ADGRB3: variants seen among roughly 807,000 people sequenced by gnomAD.
The protein encoded by ADGRB3 is adhesion G protein-coupled receptor B3.
A neutral mutation model predicts 193.4 loss-of-function variants in ADGRB3; 37 were observed. That is an observed-to-expected ratio of 0.19 (90% confidence interval 0.15 to 0.25). The LOEUF is 0.25. Among genes scored for constraint, ADGRB3 ranks in the 10% least tolerant of loss-of-function variants. The pLI, the probability that ADGRB3 is intolerant of heterozygous loss-of-function variation, is 1.00. For synonymous variants in ADGRB3, 690 were observed against 644.2 expected (o/e 1.07, Z -1.08); for missense variants, 1,637 against 1,852.9 (o/e 0.88, Z 2.14).
At chr6:69,088,876 C>A (rs954917712) in intron 17 of ADGRB3, among the ~76,000 whole-genome samples, 3 of 152,122 alleles carry the variant, frequency 2.0e-5, no homozygotes, top group African/African-American at 7.2e-5. Flanking sequence ...GCAGTGCCTG[C>A]AAAGTATTTC....
At chr6:68,829,991 TG>T (rs1767923356) in intron 3 of ADGRB3, among the ~76,000 whole-genome samples, 1 of 152,108 alleles carries the variant, frequency 6.6e-6, no homozygotes, top group Middle Eastern at 3.2e-3. Context: ...AAATTATCAG[TG>T]AGTAGAAATA....
chr6:68,883,406 C>T (rs62416399), intron 3 of ADGRB3, among the ~76,000 whole-genome samples: 6 of 152,094 alleles, frequency 3.9e-5, no homozygotes, highest in African/African-American at 7.2e-5. Context: ...GCACCAGCTG[C>T]GGCAATCAGG....
intron 3 of ADGRB3, among the ~76,000 whole-genome samples, chr6:68,722,363 G>A (rs556713653): frequency 9.9e-5 from 15 of 151,800 alleles, no homozygotes; most frequent in Admixed American, 5.9e-4. Context: ...AGCATTAGGA[G>A]AAATACCTAA....
At chr6:69,004,650 GA>G (rs1324349853) in intron 11 of ADGRB3, among the ~76,000 whole-genome samples, 4 of 149,590 alleles carry the variant, frequency 2.7e-5, no homozygotes, top group African/African-American at 9.9e-5. Flanking sequence ...ACCTATGAGT[GA>G]GAACATGCGG....
chr6:68,857,443 G>A (rs1024853646), intron 3 of ADGRB3, among the ~76,000 whole-genome samples: 1 of 152,210 alleles, frequency 6.6e-6, no homozygotes, highest in Admixed American at 6.5e-5. Context: ...TGACCTGAAT[G>A]TAAGACATGG....
At chr6:69,226,464 C>T (rs753623582) in intron 17 of ADGRB3, among the ~76,000 whole-genome samples, 2 of 152,084 alleles carry the variant, frequency 1.3e-5, no homozygotes, top group Non-Finnish European at 2.9e-5. Flanking sequence ...ATATACCTGT[C>T]CTCATGATAT....
At chr6:68,667,559 A>T (rs539679437) in intron 3 of ADGRB3, among the ~76,000 whole-genome samples, 1 of 152,140 alleles carries the variant, frequency 6.6e-6, no homozygotes, top group Admixed American at 6.6e-5. Flanking sequence ...TATTTACATC[A>T]GTATAATAAA....
At chr6:68,911,457 C>G (rs115216829) in intron 3 of ADGRB3, among the ~76,000 whole-genome samples, 2,373 of 151,800 alleles carry the variant, frequency 0.016, 54 homozygotes, top group African/African-American at 0.054. Flanking sequence ...AGCCACAGGT[C>G]AAGACAGCAA....
chr6:69,301,637 A>T (rs191131091), intron 20 of ADGRB3, among the ~76,000 whole-genome samples: 1 of 151,956 alleles, frequency 6.6e-6, no homozygotes, highest in Non-Finnish European at 1.5e-5. Flanking sequence ...ATGACATTAC[A>T]AGAAAAATTG....
chr6:69,252,448 G>C (rs1248335824), intron 20 of ADGRB3, among the ~76,000 whole-genome samples: 2 of 152,004 alleles, frequency 1.3e-5, no homozygotes, highest in Non-Finnish European at 2.9e-5. Flanking sequence ...TATAAAGGCA[G>C]GTTAGATTAC....
intron 3 of ADGRB3, among the ~76,000 whole-genome samples, chr6:68,803,335 C>T (rs1367129966): frequency 6.6e-6 from 1 of 152,124 alleles, no homozygotes; most frequent in Non-Finnish European, 1.5e-5. Context: ...TTGCATTCTC[C>T]AAAGGAGACA....
At chr6:69,031,110 T>G (rs532909476) in intron 13 of ADGRB3, among the ~76,000 whole-genome samples, 1,544 of 77,000 alleles carry the variant, frequency 0.02, 184 homozygotes, top group Non-Finnish European at 0.03. Context: ...TCTTCTCTTC[T>G]CTTCTCTCTC....
At chr6:69,374,799 G>A (rs972376989) in intron 30 of ADGRB3, among the ~76,000 whole-genome samples, 11 of 151,960 alleles carry the variant, frequency 7.2e-5, no homozygotes, top group African/African-American at 2.7e-4. Flanking sequence ...TAAAAGAATG[G>A]TGAAAAATTG....
At chr6:69,371,059 T>C (rs1769697092) in intron 29 of ADGRB3, among the ~76,000 whole-genome samples, 1 of 151,884 alleles carries the variant, frequency 6.6e-6, no homozygotes, top group Admixed American at 6.6e-5. Flanking sequence ...ACCTGCTGAG[T>C]TTTTATTTAA....
At chr6:69,034,668 A>C (rs1245760643) in intron 13 of ADGRB3, among the ~76,000 whole-genome samples, 1 of 150,524 alleles carries the variant, frequency 6.6e-6, no homozygotes, top group Non-Finnish European at 1.5e-5. Flanking sequence ...AGAGAGAGAC[A>C]GAGAGGAAGA....
intron 3 of ADGRB3, among the ~76,000 whole-genome samples, chr6:68,679,167 A>C (rs1434091343): frequency 6.6e-6 from 1 of 152,174 alleles, no homozygotes; most frequent in Non-Finnish European, 1.5e-5. Context: ...AGTCTAGACA[A>C]AAAAAATCAA....
In ADGRB3 at chr6:68,715,332, C is replaced by T. The variant is rs981703379; in HGVS notation, c.757+75900C>T. On this transcript the variant is annotated intron_variant, in intron 3 of 31. Coordinates refer to ENST00000370598, the MANE Select transcript of ADGRB3 (RefSeq NM_001704.3). ...GCTTCTGTCTGTCTCATTATAGGGG[C>T]TTGTGAAGAAGGTTTACTGAGGTTA... Among the ~76,000 whole-genome samples, 69 of 151,368 alleles carry T rather than the reference C, an allele frequency of 4.6e-4. 2 individuals carry two copies. The highest frequency in any genetic ancestry group is 1.3e-3 in the African/African-American group (53 of 41,242).
At chr6:68,644,579 A>G (rs756145172) in intron 3 of ADGRB3, among the ~76,000 whole-genome samples, 1 of 152,180 alleles carries the variant, frequency 6.6e-6, no homozygotes, top group Non-Finnish European at 1.5e-5. Context: ...AGAAAAGACT[A>G]TTTATACATC....
intron 3 of ADGRB3, among the ~76,000 whole-genome samples, chr6:68,856,130 G>T (rs570163118): frequency 1.7e-4 from 26 of 152,258 alleles, no homozygotes; most frequent in Non-Finnish European, 2.6e-4. Context: ...TGATTGTGAG[G>T]CTTCCCCAGC....
Sources: allele counts gnomAD v4.1 joint callset (sites outside exome capture counted in the v4.1 genomes callset), GRCh38; gene constraint gnomAD v4.1.1; transcripts MANE v1.5; gene names NCBI Gene and HGNC (gene_info 2026-07-23, HGNC 2026-07-21).